GTF3C1: variants seen among roughly 807,000 people sequenced by gnomAD.
The protein encoded by GTF3C1 is general transcription factor IIIC subunit 1, also known as general transcription factor 3C polypeptide 1.
GTF3C1 carries 57 observed loss-of-function variants against 226.7 expected under a neutral mutation model. That is an observed-to-expected ratio of 0.25 (90% CI 0.20 to 0.31). The LOEUF is 0.31. Among genes scored for constraint, GTF3C1 ranks in the 10% least tolerant of loss-of-function variants. The pLI is 1.00. For synonymous variants in GTF3C1, 1,090 were observed against 1,084.8 expected (o/e 1.00, Z -0.09); for missense variants, 2,217 against 2,776.1 (o/e 0.80, Z 4.53).
At chr16:27,549,617 C>T (rs1472853066) in intron 1 of GTF3C1, 53 bp downstream of exon 1, 5 of 836,452 alleles carry the variant, frequency 6.0e-6, no homozygotes, top group African/African-American at 1.7e-5. Context: ...GCTCCATCAG[C>T]CCCCGGGCCC....
chr16:27,508,264 G>A (rs888894541), intron 8 of GTF3C1, among the ~76,000 whole-genome samples: 2 of 152,210 alleles, frequency 1.3e-5, no homozygotes, highest in African/African-American at 4.8e-5. Context: ...CCCTACCTCA[G>A]CCTCCCAAAG....
In GTF3C1 at chr16:27,463,759, G is replaced by A. The variant is rs983645290; in HGVS notation, c.5873-167C>T. ...CATCTCACAGAGCGGCCACCCTGGA[G>A]GTGGCAGGGCCGGGCAGACTGCCGC... is the stretch of plus-strand genomic sequence containing the variant. On this transcript the variant is annotated intron_variant, in intron 34 of 36. Transcript: ENST00000356183. This position sits in a 1 kb window ranked among gnomAD's most constrained non-coding sequence, Gnocchi z 4.9. The A allele has an allele frequency of 7.6e-6, 5 of 661,260 alleles. No individual in the cohort carries two copies. The highest frequency in any genetic ancestry group is 1.4e-5 in the Non-Finnish European group (5 of 369,564). 41.0% of individuals were successfully genotyped at this position (661,260 alleles called of 1,614,324 possible).
intron 16 of GTF3C1, among the ~76,000 whole-genome samples, chr16:27,494,140 G>C (rs890482138): frequency 6.6e-6 from 1 of 151,996 alleles, no homozygotes; most frequent in African/African-American, 2.4e-5. Context: ...AATGGCTCAC[G>C]CCTGTAATCC....
intron 29 of GTF3C1, among the ~76,000 whole-genome samples, chr16:27,473,382 C>T (rs1006425112): frequency 5.9e-5 from 9 of 152,260 alleles, no homozygotes; most frequent in African/African-American, 2.2e-4. Flanking sequence ...CAAGCTTCTG[C>T]AAAGGGCAAG....
rs1342728402 is a variant in GTF3C1 at position 27,498,716 on chromosome 16, G to A, written c.2079C>T (p.His693=). ...GAGGGTCGTTCTGGTCCATGGACGG[G>A]TGCACCACCAGATCCACCTGGAGAG... ...GIKKKVDLVV[H]PSMDQNDPLV... The change falls in exon 13 of 37, where the codon CAC becomes CAT. Residue 693 remains histidine (H), a synonymous_variant. Coordinates refer to ENST00000356183, the MANE Select transcript of GTF3C1 (RefSeq NM_001520.4). 10 of 1,583,824 alleles carry A rather than the reference G, an allele frequency of 6.3e-6. No individual in the cohort carries two copies. Among genetic ancestry groups the A allele is most frequent in the Non-Finnish European group, 8.7e-6 (10 of 1,152,446 alleles).
At chr16:27,533,257 ACCCAGC>A in intron 5 of GTF3C1, 28 bp downstream of exon 5, 1 of 1,092,652 alleles carries the variant, frequency 9.2e-7, no homozygotes, top group East Asian at 2.4e-5. Context: ...TACAGATCAC[ACCCAGC>A]CCCGCCCGTG....
intron 22 of GTF3C1, 59 bp from the exon 23 acceptor site, chr16:27,488,474 CCAAA>C: frequency 6.4e-7 from 1 of 1,556,736 alleles, no homozygotes; most frequent in Non-Finnish European, 8.9e-7. Flanking sequence ...GCCAGGAAGA[CCAAA>C]CCGAACATAG....
At chr16:27,487,009 C>G (rs1000474287) in intron 23 of GTF3C1, among the ~76,000 whole-genome samples, 1 of 152,292 alleles carries the variant, frequency 6.6e-6, no homozygotes, top group African/African-American at 2.4e-5. Context: ...GTCTCCTGCC[C>G]AGGGGAGGTA....
intron 20 of GTF3C1, 76 bp downstream of exon 20, chr16:27,489,526 C>A: frequency 1.7e-6 from 2 of 1,198,162 alleles, no homozygotes; most frequent in Non-Finnish European, 2.4e-6. Context: ...CTAAGCCAGA[C>A]AAGGGCGGGC....
At chr16:27,488,889 T>C (rs974840912) in intron 21 of GTF3C1, among the ~76,000 whole-genome samples, 154 bp downstream of exon 21, 4 of 152,114 alleles carry the variant, frequency 2.6e-5, no homozygotes, top group African/African-American at 9.7e-5. Flanking sequence ...TAGCATCCAC[T>C]GGGAATAAAA....
chr16:27,512,443 T>C (rs2088588094), intron 6 of GTF3C1, among the ~76,000 whole-genome samples: 1 of 152,196 alleles, frequency 6.6e-6, no homozygotes, highest in South Asian at 2.1e-4. Flanking sequence ...TAAATATTTA[T>C]TCCAAGAAAA....
At chr16:27,549,582 A>T in intron 1 of GTF3C1, 88 bp downstream of exon 1, 1 of 773,562 alleles carries the variant, frequency 1.3e-6, no homozygotes, top group Non-Finnish European at 2.1e-6. Flanking sequence ...GCACAGCCCC[A>T]CTCCATTCCC....
chr16:27,535,285 A>G (rs1423361038), intron 4 of GTF3C1, among the ~76,000 whole-genome samples: 1 of 152,182 alleles, frequency 6.6e-6, no homozygotes, highest in East Asian at 1.9e-4. Flanking sequence ...AAAATGCCAT[A>G]TGATGGGCCG....
At chr16:27,544,831 C>A (rs1047437074) in intron 2 of GTF3C1, among the ~76,000 whole-genome samples, 1 of 152,148 alleles carries the variant, frequency 6.6e-6, no homozygotes, top group African/African-American at 2.4e-5. Flanking sequence ...GGACCCGTGA[C>A]CCCAGTGAAG....
chr16:27,496,294 C>A (rs1046021791), intron 14 of GTF3C1, among the ~76,000 whole-genome samples: 2 of 152,188 alleles, frequency 1.3e-5, no homozygotes, highest in Non-Finnish European at 2.9e-5. Flanking sequence ...AATGACCCAG[C>A]CTCAGGTATG....
intron 29 of GTF3C1, among the ~76,000 whole-genome samples, chr16:27,476,202 T>G (rs541120635): frequency 2.0e-5 from 3 of 152,390 alleles, no homozygotes; most frequent in Admixed American, 2.0e-4. Flanking sequence ...TTGGCTTGAC[T>G]GTGACGATTA....
chr16:27,536,139 A>G (rs532328127), intron 4 of GTF3C1, among the ~76,000 whole-genome samples: 1 of 152,214 alleles, frequency 6.6e-6, no homozygotes, highest in South Asian at 2.1e-4. Flanking sequence ...TTGTAAACGT[A>G]TTTTCTTAAT....
Position 27,462,030 on chromosome 16 carries a change from A to T in GTF3C1, c.6117+264T>A. 1 of 490,656 alleles carries T rather than the reference A, an allele frequency of 2.0e-6. No homozygotes were observed. 30.4% of individuals were successfully genotyped at this position (490,656 alleles called of 1,614,324 possible). On this transcript the variant is annotated intron_variant, in intron 36 of 36. Transcript: ENST00000356183. This position sits in a 1 kb window ranked among gnomAD's most constrained non-coding sequence, Gnocchi z 4.5. ...TTGACCCGTGGGGCCCGGCGGACTC[A>T]TGAGTTAGTGACCCCTGGCACAGAG... is the stretch of plus-strand genomic sequence containing the variant.
chr16:27,543,395 T>C (rs2089117810), intron 2 of GTF3C1, among the ~76,000 whole-genome samples: 1 of 151,720 alleles, frequency 6.6e-6, no homozygotes, highest in Admixed American at 6.6e-5. Flanking sequence ...CAAAAATAAA[T>C]AAATAAATAA....
Sources: gnomAD v4.1 joint callset for allele counts (sites outside exome capture counted in the v4.1 genomes callset) on GRCh38, gnomAD v4.1.1 for gene constraint, Gnocchi (gnomAD v3.1) non-coding constraint, MANE v1.5 for transcripts, NCBI Gene and HGNC (gene_info 2026-07-23, HGNC 2026-07-21) for gene names.